The following LRBA variants were observed in gnomAD, a reference collection of about 807,000 sequenced individuals.
LRBA encodes the protein LPS responsive beige-like anchor protein.
In LRBA, 176 loss-of-function variants were observed where a neutral mutation model predicts 330.0. The ratio of observed to expected loss-of-function variants is 0.53; its 90% CI spans 0.47 to 0.60. LRBA has a LOEUF of 0.60. LRBA is among the 20% of genes least tolerant of loss of function. The pLI is 0.00. For missense variants in LRBA, 3,259 were observed against 3,444.8 expected (o/e 0.95, Z 1.35); for synonymous variants, 1,230 against 1,193.0 (o/e 1.03, Z -0.64).
intron 2 of LRBA, among the ~76,000 whole-genome samples, chr4:150,971,759 A>G (rs987773048): frequency 2.0e-5 from 3 of 152,202 alleles, no homozygotes; most frequent in Non-Finnish European, 4.4e-5. Context: ...ACTATTTCAC[A>G]AGGGTTCCAA....
At chr4:150,677,538 A>C (rs1372622072) in intron 37 of LRBA, among the ~76,000 whole-genome samples, 7 of 152,360 alleles carry the variant, frequency 4.6e-5, no homozygotes, top group Non-Finnish European at 1.0e-4. Flanking sequence ...TTATACAAAA[A>C]TATTTTACTC....
At chr4:150,415,034 T>G (rs1464092526) in intron 47 of LRBA, among the ~76,000 whole-genome samples, 2 of 152,196 alleles carry the variant, frequency 1.3e-5, no homozygotes, top group Non-Finnish European at 2.9e-5. Context: ...CTTCAAATGA[T>G]AGATACAGGA....
intron 40 of LRBA, among the ~76,000 whole-genome samples, chr4:150,543,074 C>T (rs940169877): frequency 1.4e-4 from 22 of 152,168 alleles, no homozygotes; most frequent in African/African-American, 5.3e-4. Context: ...ACTCAAGGGG[C>T]TTTGCTAATT....
intron 47 of LRBA, among the ~76,000 whole-genome samples, chr4:150,376,245 C>CT (rs938500118): frequency 1.2e-4 from 18 of 151,190 alleles, no homozygotes; most frequent in African/African-American, 3.2e-4. Flanking sequence ...CCTTATTTTA[C>CT]TTTTTTTTTA....
intron 17 of LRBA, among the ~76,000 whole-genome samples, chr4:150,873,236 T>C (rs1753635657): frequency 6.6e-6 from 1 of 152,194 alleles, no homozygotes; most frequent in African/African-American, 2.4e-5. Context: ...AAAGAACTGC[T>C]AAAAATAAAT....
chr4:150,365,195 C>CA (rs771388557), intron 47 of LRBA, among the ~76,000 whole-genome samples: 2 of 152,072 alleles, frequency 1.3e-5, no homozygotes, highest in East Asian at 3.9e-4. Context: ...TTTGTAGAGA[C>CA]AGAGTTTCAC....
intron 31 of LRBA, among the ~76,000 whole-genome samples, chr4:150,809,846 TTAAAATACGA>T (rs1242523478): frequency 1.4e-5 from 2 of 147,062 alleles, no homozygotes; most frequent in African/African-American, 5.0e-5. Flanking sequence ...AGACCCTGTC[TTAAAATACGA>T]TACGATACGA....
intron 39 of LRBA, 143 bp downstream of exon 39, chr4:150,590,569 AG>A (rs1011429025): frequency 1.9e-5 from 12 of 638,794 alleles, no homozygotes; most frequent in Admixed American, 3.0e-5. Flanking sequence ...AAACTGTAGA[AG>A]GGGGGGAAGT....
chr4:150,771,152 T>C (rs1736509125), intron 34 of LRBA, among the ~76,000 whole-genome samples: 2 of 152,140 alleles, frequency 1.3e-5, no homozygotes, highest in Non-Finnish European at 2.9e-5. Flanking sequence ...GACTGTAAGA[T>C]CACAGGAACA....
At chr4:150,895,512 C>T (rs1729965775) in intron 16 of LRBA, among the ~76,000 whole-genome samples, 1 of 152,124 alleles carries the variant, frequency 6.6e-6, no homozygotes, top group Non-Finnish European at 1.5e-5. Context: ...CAATTCCCAC[C>T]TATGAGTGAG....
chr4:150,345,891 G>C (rs962173764), intron 48 of LRBA, among the ~76,000 whole-genome samples: 3 of 151,796 alleles, frequency 2.0e-5, no homozygotes, highest in Admixed American at 1.3e-4. Flanking sequence ...CTGCAGCCTT[G>C]ACCTCCTGGG....
At chr4:150,579,251 A>T (rs1216695868) in intron 40 of LRBA, 1 of 456,616 alleles carries the variant, frequency 2.2e-6, no homozygotes, top group Non-Finnish European at 4.4e-6. Flanking sequence ...GGGCTCTTCA[A>T]TTACAGCCTC....
At chr4:150,289,223 C>T (rs544926048) in intron 53 of LRBA, among the ~76,000 whole-genome samples, 4 of 152,034 alleles carry the variant, frequency 2.6e-5, no homozygotes, top group Non-Finnish European at 4.4e-5. Flanking sequence ...GCTTTGTTTA[C>T]AAAATACTAG....
chr4:150,408,320 C>G (rs2151941218), intron 47 of LRBA, among the ~76,000 whole-genome samples: 1 of 151,992 alleles, frequency 6.6e-6, no homozygotes, highest in East Asian at 1.9e-4. Flanking sequence ...AAATAAATTA[C>G]TGACATAGAT....
At chr4:150,619,431 A>G (rs1776092198) in intron 37 of LRBA, among the ~76,000 whole-genome samples, 1 of 152,204 alleles carries the variant, frequency 6.6e-6, no homozygotes, top group Non-Finnish European at 1.5e-5. Flanking sequence ...ATTACTTAGA[A>G]AACATTTAGT....
At chr4:150,812,524 C>A (rs1024006820) in intron 31 of LRBA, among the ~76,000 whole-genome samples, 1 of 152,192 alleles carries the variant, frequency 6.6e-6, no homozygotes, top group African/African-American at 2.4e-5. Flanking sequence ...TTCTCTCTCT[C>A]TTTTCTGAAC....
chr4:150,419,826 C>T (rs1477561210), intron 46 of LRBA, among the ~76,000 whole-genome samples: 6 of 150,934 alleles, frequency 4.0e-5, no homozygotes, highest in Admixed American at 6.6e-5. Context: ...TTAGTAGAGA[C>T]GGGGTTTCAG....
chr4:150,964,029 C>T lies in LRBA; in HGVS notation c.217-34964G>A, dbSNP rs867528771. On this transcript the variant is annotated intron_variant, in intron 2 of 56. Coordinates refer to ENST00000651943, the MANE Select transcript of LRBA (RefSeq NM_001364905.1). ...GAGGTGAGGAGCGTCTCTGACCGGC[C>T]GCCCCATCTGAGAAGTGATGAGCCC... Among the ~76,000 whole-genome samples the T allele has an allele frequency of 6.1e-5, 9 of 147,312 alleles. 1 individual carries two copies. Among genetic ancestry groups the T allele is most frequent in the African/African-American group, 1.1e-4 (4 of 37,400 alleles).
At chr4:150,448,705 G>A (rs912030596) in intron 44 of LRBA, among the ~76,000 whole-genome samples, 2 of 150,438 alleles carry the variant, frequency 1.3e-5, no homozygotes, top group African/African-American at 4.9e-5. Context: ...GGGAGGCTGA[G>A]GCAGGAGAAT....
Sources: gnomAD v4.1 joint callset for allele counts (sites outside exome capture counted in the v4.1 genomes callset) on GRCh38, gnomAD v4.1.1 for gene constraint, MANE v1.5 for transcripts, NCBI Gene and HGNC (gene_info 2026-07-23, HGNC 2026-07-21) for gene names.